The following ADAM22 variants were observed in gnomAD, a reference collection of about 807,000 sequenced individuals.
ADAM22 encodes disintegrin and metalloproteinase domain-containing protein 22.
Under a neutral mutation model 144.6 loss-of-function variants are expected in ADAM22, and 65 were observed. The observed-to-expected ratio is 0.45, with a 90% CI of 0.37 to 0.55. ADAM22 has a LOEUF of 0.55. Among genes scored for constraint, ADAM22 ranks in the 20% least tolerant of loss-of-function variants. The probability of loss-of-function intolerance (pLI) is 0.00; values close to 1 mark genes in which losing one functional copy is unlikely to be tolerated. For synonymous variants in ADAM22, 391 were observed against 412.6 expected (o/e 0.95, Z 0.63); for missense variants, 974 against 1,184.9 (o/e 0.82, Z 2.61).
chr7:88,166,737 A>G (rs1843025143), intron 24 of ADAM22, among the ~76,000 whole-genome samples: 1 of 152,204 alleles, frequency 6.6e-6, no homozygotes, highest in Admixed American at 6.6e-5. Flanking sequence ...TTAAGATTTT[A>G]GAGTCCCTAG....
intron 2 of ADAM22, among the ~76,000 whole-genome samples, chr7:87,977,579 G>A (rs528486042): frequency 7.2e-5 from 11 of 152,224 alleles, no homozygotes; most frequent in African/African-American, 2.2e-4. Context: ...TTGGTGAGTC[G>A]AATGGAACAC....
chr7:87,934,568 T>C lies in ADAM22; in HGVS notation c.85+18T>C. On this transcript the variant is annotated intron_variant, in intron 1 of 31. Coordinates refer to ENST00000413139, the MANE Select transcript of ADAM22 (RefSeq NM_001324418.2). ...CCAGGCAGGTAAGTTAGCCGTCCTC[T>C]GTGCCTTTGGGCCATACCATTTCCC... is the stretch of plus-strand genomic sequence containing the variant. The C allele has an allele frequency of 6.3e-7, 1 of 1,599,882 alleles. No individual in the cohort carries two copies. The highest frequency in any genetic ancestry group is 1.1e-5 in the South Asian group (1 of 89,444).
chr7:88,118,544 T>G (rs1828390913), intron 7 of ADAM22, among the ~76,000 whole-genome samples: 1 of 152,030 alleles, frequency 6.6e-6, no homozygotes, highest in Non-Finnish European at 1.5e-5. Context: ...TAATGGGTAT[T>G]ACTGGGAGCA....
intron 4 of ADAM22, among the ~76,000 whole-genome samples, chr7:88,078,749 G>A (rs1326447087): frequency 6.6e-6 from 1 of 152,134 alleles, no homozygotes; most frequent in Non-Finnish European, 1.5e-5. Flanking sequence ...GGGTATCAGT[G>A]ATGGAAGATG....
intron 23 of ADAM22, among the ~76,000 whole-genome samples, chr7:88,163,720 T>C (rs1291116987): frequency 2.0e-5 from 3 of 152,158 alleles, no homozygotes; most frequent in African/African-American, 7.2e-5. Context: ...CTTTTAATTC[T>C]ATTCTTTAAG....
chr7:88,045,689 C>T (rs1280057690), intron 3 of ADAM22, among the ~76,000 whole-genome samples: 1 of 152,170 alleles, frequency 6.6e-6, no homozygotes, highest in Non-Finnish European at 1.5e-5. Flanking sequence ...GTACACCCTC[C>T]TCACTTCCTC....
chr7:88,184,454 A>C (rs1033302211), intron 29 of ADAM22: 1 of 311,460 alleles, frequency 3.2e-6, no homozygotes. Context: ...TCTCCTTACA[A>C]GTCCTTTCCT....
At chr7:88,029,066 G>C (rs1585114063) in intron 3 of ADAM22, among the ~76,000 whole-genome samples, 1 of 151,936 alleles carries the variant, frequency 6.6e-6, no homozygotes, top group Non-Finnish European at 1.5e-5. Context: ...CTTGATTGGA[G>C]AGTTCAGTCC....
At chr7:88,194,650 C>T (rs1850312781) in intron 31 of ADAM22, among the ~76,000 whole-genome samples, 1 of 152,136 alleles carries the variant, frequency 6.6e-6, no homozygotes, top group Non-Finnish European at 1.5e-5. Context: ...CAATGTTGTT[C>T]ATTTGTCCCT....
intron 2 of ADAM22, among the ~76,000 whole-genome samples, chr7:87,941,104 C>T (rs1029457489): frequency 6.6e-6 from 1 of 152,130 alleles, no homozygotes; most frequent in South Asian, 2.1e-4. Flanking sequence ...TTATATATTT[C>T]TACAAGGAGC....
intron 2 of ADAM22, among the ~76,000 whole-genome samples, chr7:87,935,903 A>C (rs1841135746): frequency 6.6e-6 from 1 of 152,220 alleles, no homozygotes; most frequent in Non-Finnish European, 1.5e-5. Flanking sequence ...ATTACTGTGA[A>C]TTTATTGACA....
intron 3 of ADAM22, among the ~76,000 whole-genome samples, chr7:88,055,568 C>G (rs557108235): frequency 4.0e-5 from 6 of 151,872 alleles, no homozygotes; most frequent in Non-Finnish European, 5.9e-5. Context: ...TGATCTGGGG[C>G]AGAGAGGAAA....
In ADAM22 at chr7:88,058,158, A is replaced by G. The variant is rs2129476067; in HGVS notation, c.324-17468A>G. 1.3e-5 allele frequency among the ~76,000 whole-genome samples: 2 copies of G among 152,376 alleles called. 1 individual carries two copies. Among genetic ancestry groups the G allele is most frequent in the South Asian group, 4.1e-4 (2 of 4,834 alleles). On this transcript the variant is annotated intron_variant, in intron 3 of 31. Transcript: ENST00000413139. ...ATGGACAAGTGGTAACTGACTTACC[A>G]GAGTGGAAAAAGCTGACTTCTGATT...
At chr7:88,021,039 G>A (rs770042068) in intron 3 of ADAM22, among the ~76,000 whole-genome samples, 13 of 152,156 alleles carry the variant, frequency 8.5e-5, no homozygotes, top group Non-Finnish European at 1.8e-4. Context: ...AAGAGAGCCA[G>A]GAAATAAATA....
chr7:88,068,525 C>T (rs1422944395), intron 3 of ADAM22, among the ~76,000 whole-genome samples: 1 of 152,084 alleles, frequency 6.6e-6, no homozygotes, highest in African/African-American at 2.4e-5. Context: ...TTGGTGACTG[C>T]TCTAAGGAAA....
intron 2 of ADAM22, among the ~76,000 whole-genome samples, chr7:87,941,199 A>G (rs1842401269): frequency 6.6e-6 from 1 of 152,202 alleles, no homozygotes. Flanking sequence ...AGGAAGTGTT[A>G]TAGCTTCCCA....
chr7:88,033,715 C>T (rs1800834920), intron 3 of ADAM22, among the ~76,000 whole-genome samples: 1 of 152,198 alleles, frequency 6.6e-6, no homozygotes, highest in African/African-American at 2.4e-5. Flanking sequence ...CCTTAGAAAT[C>T]TACCTGGTGC....
At chr7:88,165,089 G>A (rs1012659639) in intron 23 of ADAM22, among the ~76,000 whole-genome samples, 1 of 152,052 alleles carries the variant, frequency 6.6e-6, no homozygotes, top group Non-Finnish European at 1.5e-5. Context: ...TGTCTCAGGA[G>A]GAACTTTGCT....
chr7:88,054,944 T>C (rs1435002332), intron 3 of ADAM22, among the ~76,000 whole-genome samples: 1 of 152,104 alleles, frequency 6.6e-6, no homozygotes, highest in African/African-American at 2.4e-5. Context: ...TGTTTTAAAC[T>C]TCTTTAAGAA....
Sources: allele counts gnomAD v4.1 joint callset (sites outside exome capture counted in the v4.1 genomes callset), GRCh38; gene constraint gnomAD v4.1.1; transcripts MANE v1.5; gene names NCBI Gene and HGNC (gene_info 2026-07-23, HGNC 2026-07-21).